ABCB5: variants seen among roughly 807,000 people sequenced by gnomAD.
ABCB5 encodes ATP-binding cassette sub-family B member 5.
Under a neutral mutation model 144.2 loss-of-function variants are expected in ABCB5, and 155 were observed. The ratio of observed to expected loss-of-function variants is 1.08; its 90% CI spans 0.94 to 1.23. The LOEUF (loss-of-function observed/expected upper bound fraction) is 1.23. Among genes scored for constraint, ABCB5 ranks in the 50% most tolerant of loss-of-function variants. ABCB5 has a pLI of 0.00. For synonymous variants in ABCB5, 610 were observed against 528.6 expected (o/e 1.15, Z -2.11); for missense variants, 1,830 against 1,520.8 (o/e 1.20, Z -3.38).
At chr7:20,621,264 T>A (rs1346398608) in intron 1 of ABCB5, among the ~76,000 whole-genome samples, 1 of 152,154 alleles carries the variant, frequency 6.6e-6, no homozygotes, top group East Asian at 1.9e-4. Context: ...TTAATGGATA[T>A]AGAATTTCAG....
intron 4 of ABCB5, 134 bp from the exon 5 acceptor site, chr7:20,631,925 G>A (rs1264290657): frequency 2.2e-6 from 1 of 455,496 alleles, no homozygotes; most frequent in African/African-American, 2.0e-5. Flanking sequence ...AAAATGAGAT[G>A]ATAATAAACT....
chr7:20,666,887 C>G (rs1365756709), intron 14 of ABCB5: 16 of 1,338,510 alleles, frequency 1.2e-5, no homozygotes, highest in Non-Finnish European at 1.5e-5. Flanking sequence ...AAGACAGCAT[C>G]AGCTCAAATT....
chr7:20,664,364 T>C (rs1015012478), intron 14 of ABCB5, among the ~76,000 whole-genome samples: 1 of 152,208 alleles, frequency 6.6e-6, no homozygotes, highest in Non-Finnish European at 1.5e-5. Context: ...TTTATACTAT[T>C]GTATAAATAA....
At chr7:20,664,599 C>G (rs963683689) in intron 14 of ABCB5, among the ~76,000 whole-genome samples, 4 of 152,072 alleles carry the variant, frequency 2.6e-5, no homozygotes, top group Non-Finnish European at 4.4e-5. Context: ...TAAGTGCTAT[C>G]AAATAAGTGA....
chr7:20,686,469 A>T (rs765110964), intron 16 of ABCB5, among the ~76,000 whole-genome samples: 1 of 151,804 alleles, frequency 6.6e-6, no homozygotes, highest in Non-Finnish European at 1.5e-5. Flanking sequence ...TTCTCTTAAC[A>T]CGCCCGACAC....
At chr7:20,644,927 T>C (rs780257075) in intron 7 of ABCB5, among the ~76,000 whole-genome samples, 4 of 152,188 alleles carry the variant, frequency 2.6e-5, no homozygotes, top group Non-Finnish European at 5.9e-5. Context: ...TTATTTGAAA[T>C]GAGGAAGGAA....
intron 26 of ABCB5, among the ~76,000 whole-genome samples, chr7:20,750,692 A>G (rs1782896135): frequency 6.6e-6 from 1 of 152,192 alleles, no homozygotes; most frequent in Non-Finnish European, 1.5e-5. Flanking sequence ...AAAAAAAATC[A>G]GAATTCTTAA....
intron 23 of ABCB5, among the ~76,000 whole-genome samples, chr7:20,729,677 A>G (rs1181190212): frequency 6.6e-6 from 1 of 152,236 alleles, no homozygotes; most frequent in Non-Finnish European, 1.5e-5. Flanking sequence ...GTCATTGCTA[A>G]GCATTTAGAA....
chr7:20,688,119 G>T (rs1402342335), intron 16 of ABCB5, among the ~76,000 whole-genome samples: 1 of 152,038 alleles, frequency 6.6e-6, no homozygotes, highest in African/African-American at 2.4e-5. Flanking sequence ...CTTGAATCCG[G>T]GAGGCAGAGG....
intron 12 of ABCB5, 131 bp from the exon 13 acceptor site, chr7:20,651,289 T>G: frequency 1.2e-6 from 1 of 812,834 alleles, no homozygotes; most frequent in Non-Finnish European, 1.9e-6. Context: ...AGAAATATTT[T>G]ATCAAAATAT....
intron 14 of ABCB5, among the ~76,000 whole-genome samples, chr7:20,678,624 A>C (rs1318071375): frequency 7.0e-6 from 1 of 142,558 alleles, no homozygotes; most frequent in Non-Finnish European, 1.5e-5. Flanking sequence ...ACAAAAACAA[A>C]AACAAAAACA....
chr7:20,730,006 T>C (rs894440699), intron 23 of ABCB5, among the ~76,000 whole-genome samples: 5 of 152,378 alleles, frequency 3.3e-5, no homozygotes, highest in Admixed American at 2.6e-4. Context: ...GAATAATTTT[T>C]AGTTTCTATT....
chr7:20,752,503 T>G (rs894615847), intron 26 of ABCB5, among the ~76,000 whole-genome samples: 2 of 152,210 alleles, frequency 1.3e-5, no homozygotes, highest in African/African-American at 4.8e-5. Context: ...TGTGAAGTGC[T>G]AAATGTCACC....
At chr7:20,704,899 C>A in intron 20 of ABCB5, 92 bp downstream of exon 20, 1 of 980,390 alleles carries the variant, frequency 1.0e-6, no homozygotes. Context: ...GTGAGCTGTG[C>A]TGAGATGACC....
At position 20,745,164 on chromosome 7, in the gene ABCB5, T is replaced by A. The variant is rs191559911; in HGVS notation, c.3223-68T>A. 2.5e-4 allele frequency: 369 copies of A among 1,449,370 alleles called. No homozygotes were observed. The African/African-American group carries it at 4.8e-3, about 19-fold the overall frequency. The allele number at this position is 1,449,370 out of a possible 1,614,324, so 89.8% of individuals were successfully genotyped here. A position where few individuals can be genotyped will look rare whatever the true frequency, so the allele number is the denominator to read the frequency against. On this transcript the variant is annotated intron_variant, in intron 25 of 27. Coordinates refer to ENST00000404938, the MANE Select transcript of ABCB5 (RefSeq NM_001163941.2). ...TTGTTATGATTTGTGTGTGTTTGAA[T>A]ACAGTGAACTGTAACATGATACAGT...
At chr7:20,736,226 CT>C (rs762236392) in intron 23 of ABCB5, among the ~76,000 whole-genome samples, 12 of 151,878 alleles carry the variant, frequency 7.9e-5, no homozygotes, top group Non-Finnish European at 1.5e-4. Flanking sequence ...GTTGTTGTTG[CT>C]GTTTTTCTTG....
chr7:20,724,541 A>G (rs35890743), intron 21 of ABCB5, among the ~76,000 whole-genome samples: 7,347 of 150,892 alleles, frequency 0.049, 230 homozygotes, highest in East Asian at 0.14. Context: ...AGGCAGGAGA[A>G]TCACTTGAAC....
intron 2 of ABCB5, among the ~76,000 whole-genome samples, chr7:20,624,678 T>C (rs554169753): frequency 6.6e-6 from 1 of 152,292 alleles, no homozygotes; most frequent in East Asian, 1.9e-4. Flanking sequence ...GTGACACAAC[T>C]GGAGCTAAGA....
intron 20 of ABCB5, among the ~76,000 whole-genome samples, chr7:20,710,381 AGTGG>A (rs1352621619): frequency 7.1e-5 from 4 of 56,730 alleles, no homozygotes; most frequent in African/African-American, 3.1e-4. Flanking sequence ...AAAAAAAAAA[AGTGG>A]GGGGGGGGCA....
Sources: gnomAD v4.1 joint callset for allele counts (sites outside exome capture counted in the v4.1 genomes callset) on GRCh38, gnomAD v4.1.1 for gene constraint, MANE v1.5 for transcripts, NCBI Gene and HGNC (gene_info 2026-07-23, HGNC 2026-07-21) for gene names.